The following RBMS2 variants were observed in gnomAD, a reference collection of about 807,000 sequenced individuals.
RBMS2 encodes RNA binding motif single stranded interacting protein 2, also known as RNA-binding motif, single-stranded-interacting protein 2.
RBMS2 carries 38 observed loss-of-function variants against 58.4 expected under a neutral mutation model. The ratio of observed to expected loss-of-function variants is 0.65; its 90% CI spans 0.50 to 0.85. The LOEUF is 0.85. Among genes scored for constraint, RBMS2 ranks in the 40% least tolerant of loss-of-function variants. RBMS2 has a pLI of 0.00. For synonymous variants in RBMS2, 151 were observed against 180.7 expected, an observed-to-expected ratio of 0.84 and a Z score of 1.32; for missense variants, 367 against 503.7, an observed-to-expected ratio of 0.73 and a Z score of 2.60.
intron 1 of RBMS2, among the ~76,000 whole-genome samples, chr12:56,548,679 C>A (rs542988100): frequency 6.6e-6 from 1 of 152,132 alleles, no homozygotes; most frequent in Admixed American, 6.6e-5. Context: ...TCCACATTCC[C>A]GTTGCATTAG....
intron 6 of RBMS2, 23 bp from the exon 7 acceptor site, chr12:56,581,376 C>G (rs375210723): frequency 6.2e-7 from 1 of 1,612,100 alleles, no homozygotes; most frequent in South Asian, 1.1e-5. Flanking sequence ...ACTCAGCTGC[C>G]CATCTGCCTT....
intron 1 of RBMS2, among the ~76,000 whole-genome samples, chr12:56,546,412 A>ATG (rs1877244601): frequency 2.8e-5 from 4 of 144,888 alleles, no homozygotes; most frequent in Non-Finnish European, 6.2e-5. Flanking sequence ...ATTGTACATT[A>ATG]TAATGTAAAA....
chr12:56,570,993 A>G (rs1882209394), intron 4 of RBMS2, among the ~76,000 whole-genome samples: 1 of 152,228 alleles, frequency 6.6e-6, no homozygotes. Context: ...AAAAGGCAGA[A>G]GAGGATTAAG....
Position 56,562,490 on chromosome 12 carries a change from G to A in RBMS2, c.140G>A (p.Ser47Asn), listed in dbSNP as rs1432266521. ...SNSTPNSSSG[S>N]NGNDQLSKTN... ...AGTACACCTAACAGCAGTAGTGGAAGCAATGGAAATGACCAGCTGAGCAAA... is the reference window on the plus strand; with the variant it reads ...AGTACACCTAACAGCAGTAGTGGAAACAATGGAAATGACCAGCTGAGCAAA... The change falls in exon 2 of 14, where the codon AGC (serine) becomes AAC (asparagine). Residue 47 changes from serine to asparagine, a missense_variant. By Grantham distance (46) the Ser-to-Asn change is conservative. Transcript: ENST00000262031. 1.2e-6 allele frequency: 2 copies of A among 1,606,530 alleles called. No homozygotes were observed. The highest frequency in any genetic ancestry group is 1.7e-6 in the Non-Finnish European group (2 of 1,173,126).
chr12:56,587,038 G>A, intron 10 of RBMS2, 112 bp downstream of exon 10: 1 of 1,105,994 alleles, frequency 9.0e-7, no homozygotes, highest in Non-Finnish European at 1.4e-6. Context: ...GGCCAAGGCA[G>A]GCAAATCACC....
rs1255477248 is a variant in RBMS2, at chr12:56,594,984, T to C, written c.*5851T>C. ...GAATTTCTATTCCTACAGTGTTTTCTCTGGGATTTTTAGCTCACTGATCGC... is the reference window on the plus strand; with the variant it reads ...GAATTTCTATTCCTACAGTGTTTTCCCTGGGATTTTTAGCTCACTGATCGC... On this transcript the variant is annotated 3_prime_UTR_variant, in exon 14 of 14. Coordinates refer to ENST00000262031, the MANE Select transcript of RBMS2 (RefSeq NM_002898.4). The C allele has an allele frequency of 6.6e-6, 1 of 152,268 alleles. No individual in the cohort carries two copies. The highest frequency in any genetic ancestry group is 1.9e-4 in the East Asian group (1 of 5,204). The allele number at this position is 152,268 out of a possible 1,614,324, so 9.4% of individuals were successfully genotyped here.
Position 56,569,098 on chromosome 12 carries a change from C to G in RBMS2, c.292+65C>G, listed in dbSNP as rs1881862229. 7 of 1,413,892 alleles carry G rather than the reference C, an allele frequency of 5.0e-6. No individual in the cohort carries two copies. The African/African-American group carries it at 5.7e-5, about 11-fold the overall frequency. 87.6% of individuals were successfully genotyped at this position (1,413,892 alleles called of 1,614,324 possible). A position where few individuals can be genotyped will look rare whatever the true frequency, so the allele number is the denominator to read the frequency against. On this transcript the variant is annotated intron_variant, in intron 3 of 13. Coordinates refer to ENST00000262031, the MANE Select transcript of RBMS2 (RefSeq NM_002898.4). ...AAGTGAGGCCATCCCTTGACACTGC[C>G]CTTTACTGCTGAGAGTCCTGAGTCT... is the stretch of plus-strand genomic sequence containing the variant.
intron 4 of RBMS2, among the ~76,000 whole-genome samples, chr12:56,570,899 G>A (rs1313576953): frequency 1.3e-5 from 2 of 152,136 alleles, no homozygotes; most frequent in Non-Finnish European, 2.9e-5. Flanking sequence ...TTCTGAAGCT[G>A]TTATGAGTAT....
chr12:56,544,945 A>G (rs1419814383), intron 1 of RBMS2, among the ~76,000 whole-genome samples: 1 of 151,784 alleles, frequency 6.6e-6, no homozygotes, highest in Non-Finnish European at 1.5e-5. Context: ...TTTTTGGGGT[A>G]CAGGTGGTTT....
At position 56,589,404 on chromosome 12, in the gene RBMS2, A is replaced by G; in HGVS notation, c.*271A>G. The G allele has an allele frequency of 1.1e-6, 1 of 896,556 alleles. No homozygotes were observed. Among genetic ancestry groups the G allele is most frequent in the Non-Finnish European group, 1.4e-6 (1 of 700,122 alleles). 55.5% of individuals were successfully genotyped at this position (896,556 alleles called of 1,614,324 possible). On this transcript the variant is annotated 3_prime_UTR_variant, in exon 14 of 14. Transcript: ENST00000262031. ...TCAAAAAAACTTTTCTTCTTTTGCAAAGAAAGCTTTTTGTTTTTAACTGCA... is the reference window on the plus strand; with the variant it reads ...TCAAAAAAACTTTTCTTCTTTTGCAGAGAAAGCTTTTTGTTTTTAACTGCA...
intron 1 of RBMS2, among the ~76,000 whole-genome samples, chr12:56,561,071 C>T (rs1393618682): frequency 1.3e-5 from 2 of 152,192 alleles, no homozygotes; most frequent in Admixed American, 6.6e-5. Context: ...CCAGCTCCAA[C>T]CATGTTCCTG....
chr12:56,562,719 C>T (rs1230254503), intron 2 of RBMS2, 136 bp downstream of exon 2: 113 of 976,494 alleles, frequency 1.2e-4, no homozygotes, highest in Non-Finnish European at 1.6e-4. Context: ...GCTGGGATTA[C>T]AGATGCATGC....
chr12:56,582,074 C>G lies in RBMS2; in HGVS notation c.795C>G (p.Pro265=), dbSNP rs1224391122. 2 of 1,611,638 alleles carry G rather than the reference C, an allele frequency of 1.2e-6. No individual in the cohort carries two copies. The part of the protein sequence containing the change: ...TALQNGFYPA[P]YNITPNRMLA... ...CTTCCCACAGGTTTTACCCAGCCCC[C>G]TATAACATCACCCCCAACAGGATGC... Residue 265 remains proline (P), a synonymous_variant, in exon 9 of 14, where the codon CCC becomes CCG. Coordinates refer to ENST00000262031, the MANE Select transcript of RBMS2 (RefSeq NM_002898.4).
rs752522063 is a variant in RBMS2, at chr12:56,562,513, A to C, written c.163A>C (p.Lys55Gln). 1.2e-6 allele frequency: 2 copies of C among 1,611,494 alleles called. No individual in the cohort carries two copies. The highest frequency in any genetic ancestry group is 1.7e-6 in the Non-Finnish European group (2 of 1,177,516). Residue 55 changes from lysine (K) to glutamine (Q), a missense_variant, in exon 2 of 14, where the codon AAA becomes CAA. Lys to Gln is a moderately conservative substitution (Grantham distance 53). Transcript: ENST00000262031. The stretch of plus-strand genomic sequence containing the variant: ...AAGCAATGGAAATGACCAGCTGAGC[A>C]AAACCAACCTATACATCCGAGGATT... ...SGSNGNDQLSKTNLYIRGLQP... is the reference protein window; with the variant it reads ...SGSNGNDQLSQTNLYIRGLQP...
At chr12:56,533,659 G>A (rs1352527941) in intron 1 of RBMS2, among the ~76,000 whole-genome samples, 18 of 147,950 alleles carry the variant, frequency 1.2e-4, no homozygotes, top group African/African-American at 3.7e-4. Context: ...CAAGTGATTC[G>A]CCCACCTTGG....
At chr12:56,586,676 C>T (rs1467222030) in intron 9 of RBMS2, among the ~76,000 whole-genome samples, 173 bp from the exon 10 acceptor site, 1 of 151,660 alleles carries the variant, frequency 6.6e-6, no homozygotes, top group Non-Finnish European at 1.5e-5. Context: ...CTTTTTTAAA[C>T]TGGATTATTT....
chr12:56,571,604 T>C, intron 4 of RBMS2, 94 bp from the exon 5 acceptor site: 4 of 1,337,830 alleles, frequency 3.0e-6, no homozygotes, highest in Non-Finnish European at 4.0e-6. Context: ...ACCCTTCCTA[T>C]AGTCTCTTTT....
rs1885270148 is a variant in RBMS2, at chr12:56,591,051, G to T, written c.*1918G>T. ...TACACATGGAGACAGATTGAAGAAA[G>T]ACTTCACCCATCTTCTAGGAAATAA... On this transcript the variant is annotated 3_prime_UTR_variant, in exon 14 of 14. Transcript: ENST00000262031. 6.6e-6 allele frequency: 1 copy of T among 152,180 alleles called. No individual in the cohort carries two copies. The highest frequency in any genetic ancestry group is 6.5e-5 in the Admixed American group (1 of 15,274). The allele number at this position is 152,180 out of a possible 1,614,324, so 9.4% of individuals were successfully genotyped here. A position where few individuals can be genotyped will look rare whatever the true frequency, so the allele number is the denominator to read the frequency against.
At position 56,591,634 on chromosome 12, in the gene RBMS2, C is replaced by A. The variant is rs1885311675; in HGVS notation, c.*2501C>A. On this transcript the variant is annotated 3_prime_UTR_variant, in exon 14 of 14. Coordinates refer to ENST00000262031, the MANE Select transcript of RBMS2 (RefSeq NM_002898.4). ...AGAAAGAGAAAACAAATCTAGAATT[C>A]TGTTCATCTGATAGACCGGGGGAGC... 6.6e-6 allele frequency: 1 copy of A among 152,152 alleles called. No homozygotes were observed. The highest frequency in any genetic ancestry group is 1.9e-4 in the East Asian group (1 of 5,178). The allele number at this position is 152,152 out of a possible 1,614,324, so 9.4% of individuals were successfully genotyped here.
Sources: allele counts gnomAD v4.1 joint callset (sites outside exome capture counted in the v4.1 genomes callset), GRCh38; gene constraint gnomAD v4.1.1; transcripts MANE v1.5; gene names NCBI Gene and HGNC (gene_info 2026-07-23, HGNC 2026-07-21).